SLC24A3: variants seen among roughly 807,000 people sequenced by gnomAD.
The protein encoded by SLC24A3 is sodium/potassium/calcium exchanger 3.
SLC24A3 carries 28 observed loss-of-function variants against 75.8 expected under a neutral mutation model. That is an observed-to-expected ratio of 0.37 (90% CI 0.27 to 0.51). SLC24A3 has a LOEUF of 0.51. Among genes scored for constraint, SLC24A3 ranks in the 20% least tolerant of loss-of-function variants. The pLI, the probability that SLC24A3 is intolerant of heterozygous loss-of-function variation, is 0.94. For synonymous variants in SLC24A3, 372 were observed against 334.1 expected (o/e 1.11, Z -1.24); for missense variants, 663 against 847.8 (o/e 0.78, Z 2.71).
intron 3 of SLC24A3, among the ~76,000 whole-genome samples, chr20:19,527,290 C>T (rs890482410): frequency 1.3e-5 from 2 of 152,198 alleles, no homozygotes; most frequent in African/African-American, 4.8e-5. Flanking sequence ...GACCATGCCT[C>T]ACTCATCTTT....
intron 2 of SLC24A3, among the ~76,000 whole-genome samples, chr20:19,406,264 A>T (rs1986645152): frequency 6.6e-6 from 1 of 151,848 alleles, no homozygotes; most frequent in Non-Finnish European, 1.5e-5. Context: ...GTTGGTACCA[A>T]ATCATACCCC....
intron 12 of SLC24A3, among the ~76,000 whole-genome samples, chr20:19,686,243 C>G (rs2122744080): frequency 6.6e-6 from 1 of 152,300 alleles, no homozygotes; most frequent in South Asian, 2.1e-4. Flanking sequence ...TTGCACCTAG[C>G]CGGGAGAGCT....
intron 2 of SLC24A3, among the ~76,000 whole-genome samples, chr20:19,497,036 C>A (rs1988299625): frequency 6.6e-6 from 1 of 152,138 alleles, no homozygotes; most frequent in South Asian, 2.1e-4. Context: ...ATTAGGGTAC[C>A]AGCCATTTAC....
In SLC24A3 at chr20:19,579,697, G is replaced by A. The variant is rs150549989; in HGVS notation, c.349-303G>A. Among the ~76,000 whole-genome samples, 9 of 152,318 alleles carry A rather than the reference G, an allele frequency of 5.9e-5. No individual in the cohort carries two copies. In the East Asian group the frequency reaches 1.7e-3, roughly 29 times the overall value. On this transcript the variant is annotated intron_variant, in intron 3 of 16. Transcript: ENST00000328041. ...GAAGGGTGTGATGGCGTGAGCCAGTGGGATATCTTGGGGCAGAGTGTTCAG... is the reference window on the plus strand; with the variant it reads ...GAAGGGTGTGATGGCGTGAGCCAGTAGGATATCTTGGGGCAGAGTGTTCAG...
At chr20:19,356,045 A>G (rs563437679) in intron 2 of SLC24A3, among the ~76,000 whole-genome samples, 76 of 152,304 alleles carry the variant, frequency 5.0e-4, no homozygotes, top group South Asian at 8.3e-4. Flanking sequence ...AACCCTTGGA[A>G]TTAGGACCAA....
chr20:19,512,993 G>C (rs570855396), intron 2 of SLC24A3, among the ~76,000 whole-genome samples: 1 of 152,298 alleles, frequency 6.6e-6, no homozygotes, highest in East Asian at 1.9e-4. Context: ...CATTAACTCA[G>C]CATCCCATCT....
chr20:19,476,646 A>G (rs1439074577), intron 2 of SLC24A3, among the ~76,000 whole-genome samples: 2 of 152,222 alleles, frequency 1.3e-5, no homozygotes, highest in Non-Finnish European at 1.5e-5. Flanking sequence ...ATGTAAAACT[A>G]TACAACATAT....
At chr20:19,381,569 A>G (rs1262086928) in intron 2 of SLC24A3, among the ~76,000 whole-genome samples, 1 of 152,222 alleles carries the variant, frequency 6.6e-6, no homozygotes, top group Non-Finnish European at 1.5e-5. Flanking sequence ...CTGTGTGCCC[A>G]GAGCTTCTGT....
intron 2 of SLC24A3, among the ~76,000 whole-genome samples, chr20:19,428,141 C>T (rs1568615189): frequency 6.6e-6 from 1 of 152,302 alleles, no homozygotes; most frequent in Middle Eastern, 3.4e-3. Context: ...TCAGCCGTCT[C>T]TCCATGCAGT....
intron 11 of SLC24A3, among the ~76,000 whole-genome samples, chr20:19,684,821 A>G (rs1476364798): frequency 1.3e-5 from 2 of 152,218 alleles, no homozygotes; most frequent in Non-Finnish European, 2.9e-5. Context: ...GAAAGATGAC[A>G]TCACAGTGCA....
chr20:19,642,963 T>C (rs2032093563), intron 6 of SLC24A3, among the ~76,000 whole-genome samples: 1 of 152,238 alleles, frequency 6.6e-6, no homozygotes, highest in Non-Finnish European at 1.5e-5. Context: ...AGAAATGTCC[T>C]TGTGTTCGAT....
intron 1 of SLC24A3, among the ~76,000 whole-genome samples, chr20:19,225,710 T>G (rs1216408623): frequency 6.6e-6 from 1 of 152,204 alleles, no homozygotes; most frequent in African/African-American, 2.4e-5. Flanking sequence ...GAAACAGGCT[T>G]TTTTCACTCA....
At chr20:19,425,235 G>A (rs1038172276) in intron 2 of SLC24A3, among the ~76,000 whole-genome samples, 3 of 151,890 alleles carry the variant, frequency 2.0e-5, no homozygotes, top group South Asian at 2.1e-4. Context: ...CCTGGGAGGC[G>A]GAGGTTGCAG....
At chr20:19,505,240 G>C (rs911361174) in intron 2 of SLC24A3, among the ~76,000 whole-genome samples, 1 of 152,164 alleles carries the variant, frequency 6.6e-6, no homozygotes, top group African/African-American at 2.4e-5. Context: ...ATCAACTTCA[G>C]CATCATGAAC....
intron 2 of SLC24A3, among the ~76,000 whole-genome samples, chr20:19,512,304 T>C (rs980287716): frequency 2.6e-5 from 4 of 152,314 alleles, no homozygotes; most frequent in Admixed American, 6.5e-5. Context: ...GAAGCTCCTG[T>C]GGTTTCTCTT....
chr20:19,406,815 G>T (rs540549813), intron 2 of SLC24A3, among the ~76,000 whole-genome samples: 1 of 152,300 alleles, frequency 6.6e-6, no homozygotes, highest in South Asian at 2.1e-4. Context: ...GCACAGTGAG[G>T]TTATTTGTTT....
chr20:19,604,671 A>G (rs2031573033), intron 6 of SLC24A3, among the ~76,000 whole-genome samples: 1 of 152,194 alleles, frequency 6.6e-6, no homozygotes, highest in Non-Finnish European at 1.5e-5. Flanking sequence ...GTCATGGACC[A>G]AGCATTGCTA....
chr20:19,542,992 A>G (rs1345970751), intron 3 of SLC24A3, among the ~76,000 whole-genome samples: 1 of 152,210 alleles, frequency 6.6e-6, no homozygotes, highest in East Asian at 1.9e-4. Flanking sequence ...CCTTAAAGAA[A>G]GGGTTACATT....
chr20:19,385,126 C>T (rs1568605112), intron 2 of SLC24A3, among the ~76,000 whole-genome samples: 1 of 152,124 alleles, frequency 6.6e-6, no homozygotes, highest in Non-Finnish European at 1.5e-5. Flanking sequence ...CTTTACTGGG[C>T]AGAAGGGTTT....
Sources: allele counts gnomAD v4.1 joint callset (sites outside exome capture counted in the v4.1 genomes callset), GRCh38; gene constraint gnomAD v4.1.1; transcripts MANE v1.5; gene names NCBI Gene and HGNC (gene_info 2026-07-23, HGNC 2026-07-21).